XKR4: variants seen among roughly 807,000 people sequenced by gnomAD.
The protein encoded by XKR4 is XK related 4, also known as XK-related protein 4.
Under a neutral mutation model 53.9 loss-of-function variants are expected in XKR4, and 12 were observed. The ratio of observed to expected loss-of-function variants is 0.22; its 90% confidence interval spans 0.14 to 0.36. The LOEUF is 0.36. XKR4 is among the 10% of genes least tolerant of loss of function. The pLI, the probability that XKR4 is intolerant of heterozygous loss-of-function variation, is 1.00. For missense variants in XKR4, 799 were observed against 859.5 expected, an observed-to-expected ratio of 0.93 and a Z score of 0.88; for synonymous variants, 354 against 362.4, an observed-to-expected ratio of 0.98 and a Z score of 0.26.
chr8:55,235,553 A>G (rs115866219), intron 1 of XKR4, among the ~76,000 whole-genome samples: 85 of 152,308 alleles, frequency 5.6e-4, no homozygotes, highest in African/African-American at 1.9e-3. Context: ...CACACTACAT[A>G]AATATGTTTG....
intron 2 of XKR4, among the ~76,000 whole-genome samples, chr8:55,515,345 A>T (rs867466012): frequency 9.8e-5 from 15 of 152,308 alleles, no homozygotes; most frequent in Non-Finnish European, 1.5e-4. Context: ...TGGAGCTTGT[A>T]TTACCTTCCT....
intron 2 of XKR4, among the ~76,000 whole-genome samples, chr8:55,509,336 T>C (rs1234914302): frequency 6.6e-6 from 1 of 152,230 alleles, no homozygotes. Context: ...CCAGGAATGC[T>C]TCTTAAACTG....
chr8:55,450,603 T>TG, intron 2 of XKR4: 1 of 718,760 alleles, frequency 1.4e-6, no homozygotes, highest in Non-Finnish European at 2.5e-6. Flanking sequence ...TCAAACTCCA[T>TG]GGGGAACTGC....
chr8:55,189,456 A>G (rs2129360807), intron 1 of XKR4, among the ~76,000 whole-genome samples: 1 of 152,250 alleles, frequency 6.6e-6, no homozygotes, highest in Non-Finnish European at 1.5e-5. Flanking sequence ...ACAAACCTGG[A>G]TGGTAGCACC....
intron 1 of XKR4, among the ~76,000 whole-genome samples, chr8:55,200,190 C>T (rs1817561371): frequency 6.6e-6 from 1 of 152,194 alleles, no homozygotes; most frequent in African/African-American, 2.4e-5. Context: ...GCCTCAGCCT[C>T]CTAAGTAAAT....
chr8:55,446,476 G>C (rs947334828), intron 2 of XKR4, among the ~76,000 whole-genome samples: 1 of 152,044 alleles, frequency 6.6e-6, no homozygotes, highest in Admixed American at 6.5e-5. Context: ...CGAGTAGCTG[G>C]GATTACAGGT....
intron 2 of XKR4, among the ~76,000 whole-genome samples, chr8:55,497,760 T>C (rs1006530866): frequency 6.6e-6 from 1 of 150,674 alleles, no homozygotes; most frequent in African/African-American, 2.4e-5. Flanking sequence ...GCACTAGCCC[T>C]TGTCCCTGCA....
In XKR4 at chr8:55,525,459, A is replaced by G. The variant is rs1265976819; in HGVS notation, c.*1232A>G. 1 of 152,648 alleles carries G rather than the reference A, an allele frequency of 6.6e-6. No homozygotes were observed. Among genetic ancestry groups the G allele is most frequent in the African/African-American group, 2.4e-5 (1 of 41,452 alleles). 9.5% of individuals were successfully genotyped at this position (152,648 alleles called of 1,614,324 possible). On this transcript the variant is annotated 3_prime_UTR_variant, in exon 3 of 3. Coordinates refer to ENST00000327381, the MANE Select transcript of XKR4 (RefSeq NM_052898.2). ...TAAGTATGAGCAGACAAATGCAATG[A>G]ATATGCTATGAAAAAACCCTTCTGA...
intron 2 of XKR4, among the ~76,000 whole-genome samples, chr8:55,413,426 A>G (rs567924380): frequency 6.6e-5 from 10 of 152,282 alleles, no homozygotes; most frequent in African/African-American, 2.2e-4. Flanking sequence ...GGGTTTCACC[A>G]GATTGGCCAG....
At chr8:55,454,541 A>T in intron 2 of XKR4, 1 of 1,417,190 alleles carries the variant, frequency 7.1e-7, no homozygotes, top group Non-Finnish European at 9.7e-7. Flanking sequence ...GCCACGCTGC[A>T]GCTGCTGATG....
chr8:55,313,850 T>C (rs562170936), intron 1 of XKR4, among the ~76,000 whole-genome samples: 38 of 152,216 alleles, frequency 2.5e-4, no homozygotes, highest in African/African-American at 9.2e-4. Context: ...GAATAACGAA[T>C]TAGAATGGAG....
At chr8:55,259,753 T>C (rs1025224867) in intron 1 of XKR4, among the ~76,000 whole-genome samples, 3 of 152,230 alleles carry the variant, frequency 2.0e-5, no homozygotes, top group African/African-American at 7.2e-5. Flanking sequence ...GAAAGGCTTA[T>C]GCTAATTAAT....
At chr8:55,180,369 T>G (rs1309258641) in intron 1 of XKR4, among the ~76,000 whole-genome samples, 1 of 152,188 alleles carries the variant, frequency 6.6e-6, no homozygotes, top group Non-Finnish European at 1.5e-5. Context: ...TGTTGATAGC[T>G]CTAATGAATT....
At chr8:55,179,507 C>A (rs1817279689) in intron 1 of XKR4, among the ~76,000 whole-genome samples, 1 of 152,168 alleles carries the variant, frequency 6.6e-6, no homozygotes, top group African/African-American at 2.4e-5. Flanking sequence ...AGAAAGTAAT[C>A]TGTAGCCTGA....
intron 2 of XKR4, chr8:55,454,624 C>A: frequency 8.1e-7 from 1 of 1,240,964 alleles, no homozygotes; most frequent in Non-Finnish European, 1.2e-6. Flanking sequence ...CCTCTACTAG[C>A]CCCCAGCCAG....
At chr8:55,376,405 T>C (rs1205684267) in intron 2 of XKR4, among the ~76,000 whole-genome samples, 1 of 152,206 alleles carries the variant, frequency 6.6e-6, no homozygotes, top group South Asian at 2.1e-4. Flanking sequence ...TTCTTGACTT[T>C]TTAATCATCA....
intron 1 of XKR4, among the ~76,000 whole-genome samples, chr8:55,131,346 A>AT (rs1203098363): frequency 6.6e-6 from 1 of 152,096 alleles, no homozygotes; most frequent in Non-Finnish European, 1.5e-5. Context: ...ATTTAAGTTC[A>AT]TTTTTCAGGG....
Position 55,299,958 on chromosome 8 carries a change from G to C in XKR4, c.807-57720G>C, listed in dbSNP as rs1819161800. On this transcript the variant is annotated intron_variant, in intron 1 of 2. Coordinates refer to ENST00000327381, the MANE Select transcript of XKR4 (RefSeq NM_052898.2). ...TCACACTCACTGAAACCATGGGCTGGAGGAGCTCCCCAGGAGAGGGAGGCC... is the reference window on the plus strand; with the variant it reads ...TCACACTCACTGAAACCATGGGCTGCAGGAGCTCCCCAGGAGAGGGAGGCC... Among the ~76,000 whole-genome samples, 3 of 152,122 alleles carry C rather than the reference G, an allele frequency of 2.0e-5. No homozygotes were observed. The South Asian group carries it at 6.2e-4, about 32-fold the overall frequency.
chr8:55,389,075 A>G (rs796817986), intron 2 of XKR4, among the ~76,000 whole-genome samples: 69 of 152,334 alleles, frequency 4.5e-4, no homozygotes, highest in African/African-American at 1.4e-3. Flanking sequence ...GAACACGAAC[A>G]TGCACACACA....
Sources: gnomAD v4.1 joint callset for allele counts (sites outside exome capture counted in the v4.1 genomes callset) on GRCh38, gnomAD v4.1.1 for gene constraint, MANE v1.5 for transcripts, NCBI Gene and HGNC (gene_info 2026-07-23, HGNC 2026-07-21) for gene names.